The following RGS7 variants were observed in gnomAD, a reference collection of about 807,000 sequenced individuals.
The protein encoded by RGS7 is regulator of G-protein signaling 7.
Under a neutral mutation model 81.1 loss-of-function variants are expected in RGS7, and 27 were observed. The observed-to-expected ratio is 0.33, with a 90% CI of 0.25 to 0.46. RGS7 has a LOEUF of 0.46. RGS7 is among the 20% of genes least tolerant of loss of function. RGS7 has a pLI of 1.00. For synonymous variants in RGS7, 208 were observed against 207.7 expected, an observed-to-expected ratio of 1.00 and a Z score of -0.01; for missense variants, 396 against 607.4, an observed-to-expected ratio of 0.65 and a Z score of 3.66.
At chr1:240,932,995 T>C (rs1403354655) in intron 5 of RGS7, among the ~76,000 whole-genome samples, 4 of 145,014 alleles carry the variant, frequency 2.8e-5, no homozygotes, top group East Asian at 2.2e-4. Context: ...GCCATTCTCC[T>C]GCCTCAGCCT....
At chr1:241,052,773 A>G (rs1427409657) in intron 3 of RGS7, among the ~76,000 whole-genome samples, 1 of 151,898 alleles carries the variant, frequency 6.6e-6, no homozygotes, top group African/African-American at 2.4e-5. Flanking sequence ...ATGATCTTAG[A>G]ATTTTTCTGC....
intron 3 of RGS7, among the ~76,000 whole-genome samples, chr1:241,072,452 G>T (rs568675483): frequency 6.6e-6 from 1 of 152,248 alleles, no homozygotes; most frequent in African/African-American, 2.4e-5. Context: ...GTTGTCATGA[G>T]GCTCTTTCCC....
At chr1:240,802,663 C>T (rs1407986546) in intron 16 of RGS7, among the ~76,000 whole-genome samples, 1 of 152,082 alleles carries the variant, frequency 6.6e-6, no homozygotes, top group Non-Finnish European at 1.5e-5. Context: ...AAAACAGCTT[C>T]TAATAAATTT....
At chr1:241,132,753 G>A (rs918012458) in intron 2 of RGS7, among the ~76,000 whole-genome samples, 326 of 151,848 alleles carry the variant, frequency 2.1e-3, no homozygotes, top group African/African-American at 5.4e-3. Flanking sequence ...TTGTTTGTTT[G>A]TTTGTTTGTT....
chr1:240,868,662 G>A lies in RGS7; in HGVS notation c.534C>T (p.Asp178=), dbSNP rs1663919503. ...FMQAEAQAKV[D]KKRDKIERKI... is the part of the protein sequence containing the mutation. ...TCCTTTCAATCTTGTCTCTCTTCTT[G>A]TCCACTCTGTCAACACAGTAACAAT... The change falls in exon 9 of 19, where the codon GAC becomes GAT. Residue 178 remains aspartate (D), a synonymous_variant. Coordinates refer to ENST00000440928, the MANE Select transcript of RGS7 (RefSeq NM_001364886.1). The surrounding 1 kb of genome is among the most constrained non-coding windows in gnomAD (Gnocchi z 5.1). 1 of 1,613,900 alleles carries A rather than the reference G, an allele frequency of 6.2e-7. No individual in the cohort carries two copies. Among genetic ancestry groups the A allele is most frequent in the Non-Finnish European group, 8.5e-7 (1 of 1,179,910 alleles).
At chr1:240,932,931 T>C (rs1358278271) in intron 5 of RGS7, among the ~76,000 whole-genome samples, 27 of 130,040 alleles carry the variant, frequency 2.1e-4, no homozygotes, top group Non-Finnish European at 3.5e-4. Flanking sequence ...TCGCCCAGGC[T>C]GGACTGCAGT....
intron 2 of RGS7, among the ~76,000 whole-genome samples, chr1:241,295,436 G>A (rs970598013): frequency 1.3e-5 from 2 of 150,952 alleles, no homozygotes; most frequent in Non-Finnish European, 2.9e-5. Flanking sequence ...CTGGGTGACA[G>A]AGCAAGACTC....
intron 3 of RGS7, among the ~76,000 whole-genome samples, chr1:241,062,722 G>T (rs1286719773): frequency 6.6e-6 from 1 of 152,054 alleles, no homozygotes; most frequent in African/African-American, 2.4e-5. Flanking sequence ...ATACTAAAGT[G>T]TGCTCCTTAA....
intron 9 of RGS7, among the ~76,000 whole-genome samples, chr1:240,831,425 G>A (rs1315471927): frequency 6.6e-6 from 1 of 152,032 alleles, no homozygotes; most frequent in African/African-American, 2.4e-5. Context: ...ATTCTCTTAT[G>A]TATTCAATAA....
chr1:241,016,472 T>C (rs961446775), intron 3 of RGS7, among the ~76,000 whole-genome samples: 1 of 151,910 alleles, frequency 6.6e-6, no homozygotes, highest in Non-Finnish European at 1.5e-5. Context: ...GAGCCAAGAT[T>C]GTGCCACTGC....
intron 2 of RGS7, among the ~76,000 whole-genome samples, chr1:241,260,855 A>G (rs1302453921): frequency 6.9e-6 from 1 of 145,040 alleles, no homozygotes; most frequent in Non-Finnish European, 1.5e-5. Flanking sequence ...ACTTAAGGTG[A>G]GACTCCTCCC....
At chr1:240,955,501 G>A (rs1298465501) in intron 4 of RGS7, among the ~76,000 whole-genome samples, 35 of 148,222 alleles carry the variant, frequency 2.4e-4, no homozygotes, top group African/African-American at 8.1e-4. Flanking sequence ...GCAGTGAGCC[G>A]AGATCATGCC....
intron 2 of RGS7, among the ~76,000 whole-genome samples, chr1:241,245,492 TAA>T (rs577538701): frequency 1.1e-4 from 14 of 128,724 alleles, no homozygotes; most frequent in African/African-American, 2.8e-4. Flanking sequence ...CTTTTCCTTA[TAA>T]AAAAAAAAAA....
intron 2 of RGS7, among the ~76,000 whole-genome samples, chr1:241,133,225 C>A (rs2067249560): frequency 6.6e-6 from 1 of 150,936 alleles, no homozygotes; most frequent in Non-Finnish European, 1.5e-5. Flanking sequence ...AAGAGAAAAA[C>A]CATTTTTACA....
At chr1:241,320,211 C>T (rs931598275) in intron 2 of RGS7, among the ~76,000 whole-genome samples, 1 of 152,332 alleles carries the variant, frequency 6.6e-6, no homozygotes, top group Middle Eastern at 3.4e-3. Context: ...ACTCTGTGCC[C>T]TAATAGGTGC....
intron 2 of RGS7, among the ~76,000 whole-genome samples, chr1:241,346,997 C>G (rs1376757578): frequency 6.6e-6 from 1 of 152,124 alleles, no homozygotes; most frequent in Non-Finnish European, 1.5e-5. Flanking sequence ...AAATTTTCTT[C>G]AAAATCCCTT....
rs188599285 is a variant in RGS7, at chr1:241,205,056, A to G, written c.79-106294T>C. On this transcript the variant is annotated intron_variant, in intron 2 of 18. Transcript: ENST00000440928. The stretch of plus-strand genomic sequence containing the variant: ...CAAGGATCAGTAATAGAATCCATAG[A>G]TCCCCTAAATTCATTTGTGATTTTT... Among the ~76,000 whole-genome samples, 87 of 149,976 alleles carry G rather than the reference A, an allele frequency of 5.8e-4. No individual in the cohort carries two copies. The Middle Eastern group carries it at 0.014, about 24-fold the overall frequency.
intron 2 of RGS7, among the ~76,000 whole-genome samples, chr1:241,202,141 C>T (rs1034045186): frequency 6.6e-6 from 1 of 151,850 alleles, no homozygotes; most frequent in Non-Finnish European, 1.5e-5. Flanking sequence ...TACATTAATA[C>T]CTACTCAGAT....
chr1:240,851,016 G>A (rs183071617), intron 9 of RGS7, among the ~76,000 whole-genome samples: 3 of 152,356 alleles, frequency 2.0e-5, no homozygotes, highest in African/African-American at 4.8e-5. Context: ...AGCAGCAAGT[G>A]TTGATGGAGA....
Sources: gnomAD v4.1 joint callset for allele counts (sites outside exome capture counted in the v4.1 genomes callset) on GRCh38, gnomAD v4.1.1 for gene constraint, Gnocchi (gnomAD v3.1) non-coding constraint, MANE v1.5 for transcripts, NCBI Gene and HGNC (gene_info 2026-07-23, HGNC 2026-07-21) for gene names.